TOP2A: variants seen among roughly 807,000 people sequenced by gnomAD.
TOP2A encodes DNA topoisomerase 2-alpha.
In TOP2A, 68 loss-of-function variants were observed where a neutral mutation model predicts 187.2. The observed-to-expected ratio is 0.36, with a 90% confidence interval of 0.30 to 0.44. TOP2A has a LOEUF of 0.44. Among genes scored for constraint, TOP2A ranks in the 20% least tolerant of loss-of-function variants. TOP2A has a pLI of 1.00. For missense variants in TOP2A, 1,196 were observed against 1,808.7 expected (o/e 0.66, Z 6.14); for synonymous variants, 542 against 593.2 (o/e 0.91, Z 1.25).
At chr17:40,402,493 G>A (rs2035194239) in intron 20 of TOP2A, among the ~76,000 whole-genome samples, 3 of 152,194 alleles carry the variant, frequency 2.0e-5, no homozygotes, top group African/African-American at 7.2e-5. Context: ...AACCAGAAGA[G>A]TCTACAGTCA....
intron 33 of TOP2A, among the ~76,000 whole-genome samples, chr17:40,390,599 G>A (rs2035011609): frequency 6.6e-6 from 1 of 151,180 alleles, no homozygotes; most frequent in Admixed American, 6.6e-5. Context: ...TGAAAACAGA[G>A]AATCAAAGTA....
At chr17:40,404,540 C>A in intron 17 of TOP2A, 49 bp from the exon 18 acceptor site, 2 of 1,109,434 alleles carry the variant, frequency 1.8e-6, no homozygotes, top group South Asian at 1.4e-5. Flanking sequence ...AAACAATGCT[C>A]AACACAAAAA....
At position 40,413,273 on chromosome 17, in the gene TOP2A, T is replaced by A. The variant is rs2035346333; in HGVS notation, c.498A>T (p.Gly166=). 1 of 1,562,410 alleles carries A rather than the reference T, an allele frequency of 6.4e-7. No homozygotes were observed. Among genetic ancestry groups the A allele is most frequent in the Non-Finnish European group, 8.7e-7 (1 of 1,151,778 alleles). The change falls in exon 6 of 35, where the codon GGA becomes GGT. Residue 166 remains glycine, a synonymous_variant. Coordinates refer to ENST00000423485, the MANE Select transcript of TOP2A (RefSeq NM_001067.4). ...TACTGAATATGTTACACAATTTGGCTCCATAGCCATTTCGACCACCTGGGC... is the reference window on the plus strand; with the variant it reads ...TACTGAATATGTTACACAATTTGGCACCATAGCCATTTCGACCACCTGGGC... ...KKVTGGRNGY[G]AKLCNIFSTK...
At chr17:40,407,844 T>A in intron 12 of TOP2A, 123 bp downstream of exon 12, 2 of 1,261,048 alleles carry the variant, frequency 1.6e-6, no homozygotes, top group South Asian at 1.5e-5. Flanking sequence ...GTACCTAATT[T>A]CTCAAAATAA....
intron 24 of TOP2A, 49 bp downstream of exon 24, chr17:40,399,823 T>A (rs2035152952): frequency 2.0e-6 from 3 of 1,489,636 alleles, no homozygotes; most frequent in Non-Finnish European, 2.7e-6. Flanking sequence ...TTAAAGAAAG[T>A]TTGGCGTAAC....
chr17:40,413,936 T>C (rs1030865682), intron 4 of TOP2A, among the ~76,000 whole-genome samples: 2 of 152,124 alleles, frequency 1.3e-5, no homozygotes, highest in African/African-American at 4.8e-5. Context: ...GGGTTATAGA[T>C]GTGAGCCACC....
In TOP2A at chr17:40,411,656, C is replaced by T. The variant is rs2035323534; in HGVS notation, c.952G>A (p.Ala318Thr). 6.2e-7 allele frequency: 1 copy of T among 1,609,244 alleles called. No individual in the cohort carries two copies. The highest frequency in any genetic ancestry group is 8.5e-7 in the Non-Finnish European group (1 of 1,178,510). The change falls in exon 8 of 35, where the codon GCT becomes ACT. Residue 318 changes from alanine to threonine, a missense_variant. By Grantham distance (58) the Ala-to-Thr change is moderately conservative. Around this residue, in one of 10 missense-constraint regions of TOP2A, gnomAD observed 252 missense variants for 434.8 expected, o/e 0.58. Coordinates refer to ENST00000423485, the MANE Select transcript of TOP2A (RefSeq NM_001067.4). This position sits in a 1 kb window ranked among gnomAD's most constrained non-coding sequence, Gnocchi z 4.4. Reference protein sequence around the residue: ...FQQISFVNSIATSKGGRHVDY... With the variant: ...FQQISFVNSITTSKGGRHVDY... ...AAGAATAAAATTACCTTGGATGTAG[C>T]AATGCTGTTGACAAAGCTAATTTGC... is the stretch of plus-strand genomic sequence containing the variant.
chr17:40,389,908 T>G, intron 34 of TOP2A, 57 bp downstream of exon 34: 1 of 1,511,330 alleles, frequency 6.6e-7, no homozygotes, highest in Non-Finnish European at 8.9e-7. Flanking sequence ...GAGCAATGGC[T>G]TAGTTACGTG....
rs548621645 is a variant in TOP2A at position 40,410,197 on chromosome 17, G to T, written c.1203+912C>A. The T allele has an allele frequency of 2.8e-5, 5 of 181,394 alleles. No individual in the cohort carries two copies. The Admixed American group carries it at 2.8e-4, about 10-fold the overall frequency. The allele number at this position is 181,394 out of a possible 1,614,324, so 11.2% of individuals were successfully genotyped here. On this transcript the variant is annotated intron_variant, in intron 10 of 34. Coordinates refer to ENST00000423485, the MANE Select transcript of TOP2A (RefSeq NM_001067.4). ...TTATATTGGAACCAACTTAGGTGGG[G>T]GGAAGGGTAGAAAGTAAAGGCTTTC...
In TOP2A at chr17:40,388,898, A is replaced by G. The variant is rs533127445; in HGVS notation, c.*621T>C. 6.1e-4 allele frequency: 125 copies of G among 203,316 alleles called. 1 individual carries two copies. Among genetic ancestry groups the G allele is most frequent in the Admixed American group, 1.9e-3 (32 of 16,760 alleles). The allele number at this position is 203,316 out of a possible 1,614,324, so 12.6% of individuals were successfully genotyped here. On this transcript the variant is annotated 3_prime_UTR_variant, in exon 35 of 35. Coordinates refer to ENST00000423485, the MANE Select transcript of TOP2A (RefSeq NM_001067.4). ...TAACTACTCTAATTTTCTTCATTCT[A>G]TTGACTGTGTCAAGTTATAGACACA...
At chr17:40,396,607 C>A in intron 27 of TOP2A, 142 bp from the exon 28 acceptor site, 1 of 1,030,770 alleles carries the variant, frequency 9.7e-7, no homozygotes, top group South Asian at 1.8e-5. Flanking sequence ...ATACTATCAA[C>A]AATAGTGAAG....
rs1226723552 is a variant in TOP2A at position 40,411,581 on chromosome 17, A to G, written c.963+64T>C. The G allele has an allele frequency of 1.3e-6, 2 of 1,566,552 alleles. No homozygotes were observed. The highest frequency in any genetic ancestry group is 2.3e-5 in the South Asian group (2 of 88,628). Reference sequence around the variant, plus strand: ...AATATTCAAGTCCACTTTATATATTAAAAACAATAAGAACACATATATGTA... The same window carrying G: ...AATATTCAAGTCCACTTTATATATTGAAAACAATAAGAACACATATATGTA... On this transcript the variant is annotated intron_variant, in intron 8 of 34. Coordinates refer to ENST00000423485, the MANE Select transcript of TOP2A (RefSeq NM_001067.4). This position sits in a 1 kb window ranked among gnomAD's most constrained non-coding sequence, Gnocchi z 4.4.
chr17:40,398,825 C>G lies in TOP2A; in HGVS notation c.3401G>C (p.Trp1134Ser), dbSNP rs1339804168. ...ATCTTTCTTTTCCTTGGTTAAATAC[C>G]AAAGGGGCATATCAAGAAGATAGTT... ...TFNYLLDMPLWYLTKEKKDEL... is the reference protein window; with the variant it reads ...TFNYLLDMPLSYLTKEKKDEL... The change falls in exon 26 of 35, where the codon TGG (tryptophan) becomes TCG (serine). Residue 1134 changes from tryptophan to serine, a missense_variant. By Grantham distance (177) the Trp-to-Ser change is radical. Around this residue, in one of 10 missense-constraint regions of TOP2A, gnomAD observed 3 missense variants for 20.3 expected, o/e 0.15. Transcript: ENST00000423485. 1 of 1,613,380 alleles carries G rather than the reference C, an allele frequency of 6.2e-7. No homozygotes were observed. Among genetic ancestry groups the G allele is most frequent in the Non-Finnish European group, 8.5e-7 (1 of 1,179,756 alleles).
At chr17:40,410,747 T>A in intron 10 of TOP2A, 1 of 426,050 alleles carries the variant, frequency 2.3e-6, no homozygotes, top group South Asian at 1.7e-5. Context: ...TGTTTTTTTG[T>A]TGGAGAGTGG....
rs2143681972 is a variant in TOP2A, at chr17:40,411,649, G to C, written c.959C>G (p.Ser320Cys). The change falls in exon 8 of 35, where the codon TCC becomes TGC. Residue 320 changes from serine (S) to cysteine (C), a missense_variant. Ser to Cys is a moderately radical substitution (Grantham distance 112, BLOSUM62 -1). Around this residue, in one of 10 missense-constraint regions of TOP2A, gnomAD observed 252 missense variants for 434.8 expected, o/e 0.58. Transcript: ENST00000423485. The surrounding 1 kb of genome is among the most constrained non-coding windows in gnomAD (Gnocchi z 4.4). Reference protein sequence around the residue: ...QISFVNSIATSKGGRHVDYVA... With the variant: ...QISFVNSIATCKGGRHVDYVA... ...ATAATTTAAGAATAAAATTACCTTG[G>C]ATGTAGCAATGCTGTTGACAAAGCT... 5 of 1,607,512 alleles carry C rather than the reference G, an allele frequency of 3.1e-6. No homozygotes were observed. Among genetic ancestry groups the C allele is most frequent in the Non-Finnish European group, 4.2e-6 (5 of 1,178,058 alleles).
chr17:40,410,295 T>A (rs1461846699), intron 10 of TOP2A, among the ~76,000 whole-genome samples: 2 of 152,158 alleles, frequency 1.3e-5, no homozygotes, highest in African/African-American at 2.4e-5. Context: ...AGCATGTGAA[T>A]AAACTCTGAG....
chr17:40,412,685 G>GA (rs1156631841), intron 7 of TOP2A, 74 bp downstream of exon 7: 114 of 1,247,576 alleles, frequency 9.1e-5, no homozygotes, highest in Non-Finnish European at 1.2e-4. Context: ...TATGGGAGGG[G>GA]AAAAAATTCA....
Position 40,390,177 on chromosome 17 carries a change from A to G in TOP2A, c.4268-13T>C. 1 of 1,601,960 alleles carries G rather than the reference A, an allele frequency of 6.2e-7. No individual in the cohort carries two copies. The highest frequency in any genetic ancestry group is 8.5e-7 in the Non-Finnish European group (1 of 1,174,822). On this transcript the variant is annotated splice_polypyrimidine_tract_variant and intron_variant, in intron 33 of 34. Coordinates refer to ENST00000423485, the MANE Select transcript of TOP2A (RefSeq NM_001067.4). ...GTGGAAGACTGACCTGCAATTCAATACAGGCATTTGTCACAGCTGCTCTTT... is the reference window on the plus strand; with the variant it reads ...GTGGAAGACTGACCTGCAATTCAATGCAGGCATTTGTCACAGCTGCTCTTT...
rs1318666043 is a variant in TOP2A at position 40,399,085 on chromosome 17, T to C, written c.3243A>G (p.Gly1081=). The change falls in exon 25 of 35, where the codon GGA becomes GGG. Residue 1081 remains glycine (G), a synonymous_variant. Coordinates refer to ENST00000423485, the MANE Select transcript of TOP2A (RefSeq NM_001067.4). ...AGGCCTTCACAGGATCCGAATCATA[T>C]CCCCTCTGAATCAGAACTTTAATTA... ...KELIKVLIQR[G]YDSDPVKAWK... 6.3e-6 allele frequency: 10 copies of C among 1,585,178 alleles called. No individual in the cohort carries two copies. The highest frequency in any genetic ancestry group is 8.6e-6 in the Non-Finnish European group (10 of 1,163,912).
Sources: allele counts gnomAD v4.1 joint callset (sites outside exome capture counted in the v4.1 genomes callset), GRCh38; gene constraint gnomAD v4.1.1; regional missense constraint gnomAD v4.1.1; non-coding constraint Gnocchi (gnomAD v3.1); transcripts MANE v1.5; gene names NCBI Gene and HGNC (gene_info 2026-07-23, HGNC 2026-07-21).